KIR2DL4: variants seen among roughly 807,000 people sequenced by gnomAD.
KIR2DL4 encodes the protein killer cell immunoglobulin like receptor, two Ig domains and long cytoplasmic tail 4, also known as killer cell immunoglobulin-like receptor 2DL4.
A neutral mutation model predicts 31.0 loss-of-function variants in KIR2DL4; 41 were observed. The observed-to-expected ratio is 1.32, with a 90% CI of 1.03 to 1.72. KIR2DL4 has a LOEUF of 1.72. KIR2DL4 is among the 40% of genes most tolerant of loss of function. The pLI is 0.00. For synonymous variants in KIR2DL4, 164 were observed against 133.6 expected (o/e 1.23, Z -1.57); for missense variants, 438 against 353.7 (o/e 1.24, Z -1.91).
At chr19:54,811,297 T>C (rs2060853096) in intron 5 of KIR2DL4, among the ~76,000 whole-genome samples, 1 of 150,790 alleles carries the variant, frequency 6.6e-6, no homozygotes, top group Non-Finnish European at 1.5e-5. Flanking sequence ...ATTCGGGAAG[T>C]TGAAGAAGGA....
At chr19:54,812,040 C>T (rs1265354690) in intron 5 of KIR2DL4, among the ~76,000 whole-genome samples, 3 of 151,162 alleles carry the variant, frequency 2.0e-5, no homozygotes, top group Admixed American at 2.0e-4. Context: ...TTGTTTGAGT[C>T]AAGAGGGTTG....
intron 5 of KIR2DL4, among the ~76,000 whole-genome samples, chr19:54,810,762 G>A (rs2060819685): frequency 6.6e-6 from 1 of 151,174 alleles, no homozygotes; most frequent in South Asian, 2.1e-4. Flanking sequence ...CTTACCTCGG[G>A]GCTAACTGGG....
chr19:54,809,312 C>A lies in KIR2DL4; in HGVS notation c.706+429C>A, dbSNP rs980959030. On this transcript the variant is annotated intron_variant, in intron 5 of 7. Coordinates refer to ENST00000359085, the Ensembl canonical transcript of KIR2DL4. ...TCCAACCCTGGTTGACTTAGTGGAA[C>A]AAGAGCTTTGCGGTAAGAGAGAACG... Among the ~76,000 whole-genome samples the A allele has an allele frequency of 4.7e-4, 71 of 150,682 alleles. 2 individuals carry two copies. Among genetic ancestry groups the A allele is most frequent in the Middle Eastern group, 6.8e-3 (2 of 294 alleles).
chr19:54,803,731 G>T (rs2060319315), intron 1 of KIR2DL4, 40 bp downstream of exon 1: 2 of 1,600,764 alleles, frequency 1.2e-6, no homozygotes, highest in Admixed American at 3.3e-5. Context: ...GTTACACTAT[G>T]GGCCTGCAGA....
chr19:54,805,212 A>T (rs2060439443), intron 3 of KIR2DL4, 135 bp downstream of exon 3: 1 of 826,824 alleles, frequency 1.2e-6, no homozygotes, highest in Non-Finnish European at 1.9e-6. Context: ...ATACAGGGGA[A>T]TGGGTGCTGT....
intron 4 of KIR2DL4, among the ~76,000 whole-genome samples, 192 bp from the exon 5 acceptor site, chr19:54,808,641 G>A (rs2060670386): frequency 6.6e-6 from 1 of 150,438 alleles, no homozygotes; most frequent in South Asian, 2.1e-4. Flanking sequence ...TGATGCTCCT[G>A]TTTTCTCCTT....
intron 2 of KIR2DL4, 84 bp downstream of exon 2, chr19:54,804,010 G>T (rs964871144): frequency 2.3e-6 from 3 of 1,290,938 alleles, no homozygotes; most frequent in Non-Finnish European, 3.4e-6. Flanking sequence ...GCAGCACAGA[G>T]GGTGGGCTGA....
Position 54,811,342 on chromosome 19 carries a change from G to C in KIR2DL4, c.707-1783G>C, listed in dbSNP as rs377528700. The stretch of plus-strand genomic sequence containing the variant: ...CAACCAGGGAGGGAGAGGTTACAGT[G>C]AGCCAAGATCGCGTCATTGCACTGC... On this transcript the variant is annotated intron_variant, in intron 5 of 7. Transcript: ENST00000359085. 5.0e-3 allele frequency among the ~76,000 whole-genome samples: 751 copies of C among 151,320 alleles called. 27 individuals are homozygous for C. Among genetic ancestry groups the C allele is most frequent in the African/African-American group, 0.017 (699 of 41,038 alleles).
exon 8 of KIR2DL4, chr19:54,814,224 T>G: frequency 2.5e-6 from 3 of 1,202,614 alleles, no homozygotes; most frequent in Non-Finnish European, 3.5e-6. Flanking sequence ...GAAAACACAC[T>G]CCTTTGCTTA....
intron 3 of KIR2DL4, 118 bp downstream of exon 3, chr19:54,805,195 G>A: frequency 2.9e-6 from 3 of 1,018,908 alleles, no homozygotes; most frequent in Non-Finnish European, 4.2e-6. Flanking sequence ...GGGTAAAGGG[G>A]GATTGAATAC....
chr19:54,809,643 G>C (rs112006653), intron 5 of KIR2DL4, among the ~76,000 whole-genome samples: 1 of 151,020 alleles, frequency 6.6e-6, no homozygotes. Context: ...CCTGGTCCCC[G>C]TCTTCCTCCC....
rs1326796812 is a variant in KIR2DL4, at chr19:54,803,676, A to T, written c.25A>T (p.Ile9Phe). ...CATGTCCATGTCACCCACGGTCATC[A>T]TCCTGGCATGTCTTGGTGAGTCCTG... Residue 9 changes from isoleucine (I) to phenylalanine (F), a missense_variant, in exon 1 of 8, where the codon ATC (isoleucine) becomes TTC (phenylalanine). Transcript: ENST00000359085. The T allele has an allele frequency of 1.4e-5, 22 of 1,612,004 alleles. No homozygotes were observed. Among genetic ancestry groups the T allele is most frequent in the Non-Finnish European group, 1.8e-5 (21 of 1,179,566 alleles).
chr19:54,803,649 ACCATGTCCATGTCACCCAC>A (rs2060315026), exon 1 of KIR2DL4: 1 of 1,612,114 alleles, frequency 6.2e-7, no homozygotes, highest in Non-Finnish European at 8.5e-7. Flanking sequence ...CAGAAGCTGC[ACCATGTCCATGTCACCCAC>A]GGTCATCATC....
intron 4 of KIR2DL4, 126 bp downstream of exon 4, chr19:54,806,370 G>C (rs1401900521): frequency 1.6e-5 from 18 of 1,114,102 alleles, no homozygotes; most frequent in African/African-American, 3.2e-5. Flanking sequence ...GTGAGGGTGG[G>C]ATCAGGGCAC....
intron 5 of KIR2DL4, 63 bp downstream of exon 5, chr19:54,808,946 C>T (rs554082856): frequency 1.5e-6 from 2 of 1,311,470 alleles, no homozygotes; most frequent in South Asian, 2.4e-5. Context: ...GCCTTGGATT[C>T]AAGCGTTGGC....
Position 54,805,069 on chromosome 19 carries a change from TGGTCACA to T in KIR2DL4, c.359_361+4del. On this transcript the variant is annotated frameshift_variant and splice_region_variant, in exon 3 of 8. Coordinates refer to ENST00000359085, the Ensembl canonical transcript of KIR2DL4. LOFTEE classifies it high-confidence loss of function. ...GCACCCAGCAACCCCCTGGTGATCA[TGGTCACA>T]GGTCAGAGGGCTCCTGTCTGGGCTT... The T allele has an allele frequency of 2.5e-6, 4 of 1,603,584 alleles. 1 individual carries two copies. Among genetic ancestry groups the T allele is most frequent in the Middle Eastern group, 3.3e-4 (2 of 6,002 alleles).
exon 2 of KIR2DL4, chr19:54,803,894 T>C (rs1225777034): frequency 1.2e-6 from 2 of 1,610,030 alleles, no homozygotes; most frequent in African/African-American, 2.7e-5. Context: ...TTTGCAGGGT[T>C]CTTCTTGGAC....
At position 54,804,685 on chromosome 19, in the gene KIR2DL4, G is replaced by A. The variant is rs892542263; in HGVS notation, c.77-108G>A. The A allele has an allele frequency of 2.3e-5, 28 of 1,206,658 alleles. 3 individuals are homozygous for A. The African/African-American group carries it at 3.9e-4, about 17-fold the overall frequency. The allele number at this position is 1,206,658 out of a possible 1,614,324, so 74.7% of individuals were successfully genotyped here. A position where few individuals can be genotyped will look rare whatever the true frequency, so the allele number is the denominator to read the frequency against. On this transcript the variant is annotated intron_variant, in intron 2 of 7. Transcript: ENST00000359085. The stretch of plus-strand genomic sequence containing the variant: ...CCTTCCTGTAGCCCCAGGCACCCAG[G>A]TGTGGTAGGAGCCTTAGAAAGAAGA...
intron 5 of KIR2DL4, among the ~76,000 whole-genome samples, chr19:54,811,385 G>A (rs957725568): frequency 4.0e-5 from 6 of 151,230 alleles, no homozygotes; most frequent in Admixed American, 6.6e-5. Flanking sequence ...GTGACAGAGT[G>A]AGACTCCATG....
Sources: allele counts gnomAD v4.1 joint callset (sites outside exome capture counted in the v4.1 genomes callset), GRCh38; gene constraint gnomAD v4.1.1; transcripts MANE v1.5; gene names NCBI Gene and HGNC (gene_info 2026-07-23, HGNC 2026-07-21).